The following ABCB4 variants were observed in gnomAD, a reference collection of about 807,000 sequenced individuals.
ABCB4 encodes ATP binding cassette subfamily B member 4.
Under a neutral mutation model 145.7 loss-of-function variants are expected in ABCB4, and 76 were observed. That is an observed-to-expected ratio of 0.52 (90% confidence interval 0.43 to 0.63). ABCB4 has a LOEUF of 0.63. Ranked by LOEUF, ABCB4 falls within the 30% of genes least tolerant of loss-of-function variation. The pLI is 0.00. For missense variants in ABCB4, 1,234 were observed against 1,553.1 expected, an observed-to-expected ratio of 0.79 and a Z score of 3.45; for synonymous variants, 517 against 566.8, an observed-to-expected ratio of 0.91 and a Z score of 1.25.
At chr7:87,467,713 A>G (rs1487601558) in intron 3 of ABCB4, among the ~76,000 whole-genome samples, 2 of 152,252 alleles carry the variant, frequency 1.3e-5, no homozygotes, top group Non-Finnish European at 2.9e-5. Flanking sequence ...CCACAGTGCA[A>G]TCAAACTAGA....
At chr7:87,411,836 C>T (rs949265606) in intron 23 of ABCB4, 57 bp downstream of exon 23, 7 of 1,564,330 alleles carry the variant, frequency 4.5e-6, no homozygotes, top group South Asian at 1.1e-5. Flanking sequence ...TAAACTTTTG[C>T]ATAAACCTAC....
intron 4 of ABCB4, among the ~76,000 whole-genome samples, chr7:87,458,987 TAAA>T (rs77823347): frequency 1.7e-5 from 2 of 120,670 alleles, no homozygotes; most frequent in Non-Finnish European, 1.8e-5. Context: ...AGGCACAAGT[TAAA>T]AAAAAAAAAA....
the ABCB4 span, chr7:87,369,467 C>A: frequency 6.2e-7 from 1 of 1,610,792 alleles, no homozygotes; most frequent in African/African-American, 1.3e-5. Context: ...GTTTGGTCAC[C>A]CCGCCAGAGC....
At chr7:87,390,704 C>CTT in the ABCB4 span, among the ~76,000 whole-genome samples, 2 of 152,070 alleles carry the variant, frequency 1.3e-5, no homozygotes, top group African/African-American at 4.8e-5. Flanking sequence ...CAGATATCAC[C>CTT]CTGGGGAACT....
rs747947732 is a variant in ABCB4, at chr7:87,453,138, GA to G, written c.345-4del. The G allele has an allele frequency of 1.5e-5, 24 of 1,609,822 alleles. No homozygotes were observed. The highest frequency in any genetic ancestry group is 2.0e-5 in the Non-Finnish European group (24 of 1,178,004). On this transcript the variant is annotated splice_region_variant and splice_polypyrimidine_tract_variant and intron_variant, in intron 5 of 27. Coordinates refer to ENST00000649586, the MANE Select transcript of ABCB4 (RefSeq NM_000443.4). ...ATCCTGAGTAGTAATATGCATATCTGAAAAAAAAGAGAAAGGCTCTATTAAA... is the reference window on the plus strand; with the variant it reads ...ATCCTGAGTAGTAATATGCATATCTGAAAAAAAGAGAAAGGCTCTATTAAA...
chr7:87,421,279 G>C (rs1809399271), intron 18 of ABCB4, among the ~76,000 whole-genome samples: 1 of 152,166 alleles, frequency 6.6e-6, no homozygotes, highest in Non-Finnish European at 1.5e-5. Context: ...AGTGCACCCA[G>C]TGAATCGGCC....
intron 25 of ABCB4, among the ~76,000 whole-genome samples, 200 bp downstream of exon 25, chr7:87,407,837 A>G (rs1439371539): frequency 6.6e-6 from 1 of 152,170 alleles, no homozygotes; most frequent in African/African-American, 2.4e-5. Flanking sequence ...GTATTTTCTG[A>G]GCTAGACTGA....
At chr7:87,394,939 G>A in the ABCB4 span, among the ~76,000 whole-genome samples, 1 of 151,890 alleles carries the variant, frequency 6.6e-6, no homozygotes, top group Non-Finnish European at 1.5e-5. Flanking sequence ...GAGGACAAAG[G>A]ATATCTGCCT....
chr7:87,404,097 TCA>T (rs1244818591), intron 26 of ABCB4, among the ~76,000 whole-genome samples: 4 of 152,194 alleles, frequency 2.6e-5, no homozygotes, highest in Non-Finnish European at 5.9e-5. Flanking sequence ...ATTTTTCTAT[TCA>T]CAGTCAAATC....
At chr7:87,410,448 C>A (rs550341012) in intron 23 of ABCB4, among the ~76,000 whole-genome samples, 46 of 152,220 alleles carry the variant, frequency 3.0e-4, no homozygotes, top group African/African-American at 1.1e-3. Context: ...GATGAACAAC[C>A]CACATGTGGC....
At chr7:87,444,328 G>A (rs1334992010) in intron 10 of ABCB4, among the ~76,000 whole-genome samples, 2 of 152,150 alleles carry the variant, frequency 1.3e-5, no homozygotes, top group Non-Finnish European at 2.9e-5. Context: ...ATTTCACTTA[G>A]CTACCTTGCA....
chr7:87,375,105 T>C, the ABCB4 span: 1 of 153,372 alleles, frequency 6.5e-6, no homozygotes, highest in Admixed American at 6.5e-5. Context: ...AATATAATGA[T>C]TAGAAGTAAC....
At chr7:87,454,903 G>A (rs1812010642) in intron 4 of ABCB4, among the ~76,000 whole-genome samples, 2 of 152,092 alleles carry the variant, frequency 1.3e-5, no homozygotes, top group Non-Finnish European at 2.9e-5. Flanking sequence ...GCACAGAGGA[G>A]CCACTGAAGA....
intron 3 of ABCB4, among the ~76,000 whole-genome samples, chr7:87,465,103 G>A (rs998933182): frequency 6.6e-6 from 1 of 152,290 alleles, no homozygotes; most frequent in South Asian, 2.1e-4. Context: ...AAGCACAAGA[G>A]GTCAGGGAAT....
At chr7:87,418,384 T>G (rs1809145846) in intron 20 of ABCB4, among the ~76,000 whole-genome samples, 153 bp downstream of exon 20, 1 of 152,224 alleles carries the variant, frequency 6.6e-6, no homozygotes, top group Non-Finnish European at 1.5e-5. Context: ...CAATCAACCT[T>G]GAAGTTTAAT....
chr7:87,432,418 A>G (rs942029702), intron 14 of ABCB4, among the ~76,000 whole-genome samples: 6 of 152,238 alleles, frequency 3.9e-5, no homozygotes, highest in African/African-American at 1.4e-4. Flanking sequence ...AGTGGTTAAC[A>G]TATAAATTAA....
At chr7:87,461,425 A>C (rs1266487569) in intron 4 of ABCB4, among the ~76,000 whole-genome samples, 1 of 152,206 alleles carries the variant, frequency 6.6e-6, no homozygotes, top group African/African-American at 2.4e-5. Flanking sequence ...TTTGGATGGC[A>C]GAAAGACCAG....
intron 3 of ABCB4, among the ~76,000 whole-genome samples, chr7:87,468,760 G>T (rs1813118785): frequency 6.6e-6 from 1 of 151,734 alleles, no homozygotes; most frequent in Non-Finnish European, 1.5e-5. Flanking sequence ...GTGAAACCCT[G>T]TCTCTACTAA....
At chr7:87,455,489 T>C (rs973120792) in intron 4 of ABCB4, among the ~76,000 whole-genome samples, 1 of 152,182 alleles carries the variant, frequency 6.6e-6, no homozygotes, top group Non-Finnish European at 1.5e-5. Flanking sequence ...CACAGATAAA[T>C]AAAGTAACTT....
Sources: allele counts gnomAD v4.1 joint callset (sites outside exome capture counted in the v4.1 genomes callset), GRCh38; gene constraint gnomAD v4.1.1; transcripts MANE v1.5; gene names NCBI Gene and HGNC (gene_info 2026-07-23, HGNC 2026-07-21).